The following ANO6 variants were observed in gnomAD, a reference collection of about 807,000 sequenced individuals.
The protein encoded by ANO6 is anoctamin 6.
ANO6 carries 106 observed loss-of-function variants against 117.5 expected under a neutral mutation model. The ratio of observed to expected loss-of-function variants is 0.90; its 90% CI spans 0.77 to 1.06. The LOEUF (loss-of-function observed/expected upper bound fraction) is 1.06, where lower values mean the gene tolerates loss of function less well. ANO6 is among the 50% of genes least tolerant of loss of function. The pLI, the probability that ANO6 is intolerant of heterozygous loss-of-function variation, is 0.00. For synonymous variants in ANO6, 367 were observed against 385.1 expected (o/e 0.95, Z 0.55); for missense variants, 955 against 1,121.1 (o/e 0.85, Z 2.12).
intron 1 of ANO6, among the ~76,000 whole-genome samples, chr12:45,290,213 A>G (rs1939050658): frequency 6.6e-6 from 1 of 152,056 alleles, no homozygotes; most frequent in Non-Finnish European, 1.5e-5. Flanking sequence ...ATTCTGAAAC[A>G]CTAGGTTTTG....
At chr12:45,229,100 A>G (rs1349709465) in intron 1 of ANO6, among the ~76,000 whole-genome samples, 1 of 152,190 alleles carries the variant, frequency 6.6e-6, no homozygotes, top group Non-Finnish European at 1.5e-5. Flanking sequence ...AGGGTCCGGG[A>G]TGAGAAGCTG....
intron 12 of ANO6, among the ~76,000 whole-genome samples, chr12:45,393,827 C>T (rs577734444): frequency 3.3e-4 from 51 of 152,328 alleles, no homozygotes; most frequent in African/African-American, 9.4e-4. Context: ...GCCTGCCTTA[C>T]AAGAGCTCCT....
chr12:45,242,363 C>A (rs958537257), intron 1 of ANO6, among the ~76,000 whole-genome samples: 1 of 152,246 alleles, frequency 6.6e-6, no homozygotes, highest in Admixed American at 6.5e-5. Flanking sequence ...AGGCTCTGGC[C>A]GTGGGACCTG....
chr12:45,273,440 G>A (rs764695419), intron 1 of ANO6, among the ~76,000 whole-genome samples: 13 of 152,188 alleles, frequency 8.5e-5, no homozygotes, highest in Non-Finnish European at 1.6e-4. Context: ...AGGCAGCCAA[G>A]CAAAATAGTT....
intron 9 of ANO6, among the ~76,000 whole-genome samples, chr12:45,375,927 A>C (rs1259238280): frequency 6.8e-6 from 1 of 147,806 alleles, no homozygotes; most frequent in Admixed American, 6.7e-5. Flanking sequence ...CAACCTACAG[A>C]ATGGGAGAAA....
intron 1 of ANO6, among the ~76,000 whole-genome samples, chr12:45,240,806 A>T (rs527790032): frequency 1.3e-5 from 2 of 152,238 alleles, no homozygotes; most frequent in African/African-American, 4.8e-5. Context: ...TCCTTCACTT[A>T]TGAAGCTTAG....
Position 45,424,327 on chromosome 12 carries a change from G to GTTTT in ANO6, c.2526+1290_2526+1293dup, listed in dbSNP as rs66945216. Among the ~76,000 whole-genome samples the GTTTT allele has an allele frequency of 8.0e-4, 65 of 81,264 alleles. 9 individuals carry two copies. The highest frequency in any genetic ancestry group is 8.5e-3 in the Middle Eastern group (1 of 118). The allele number at this position is 81,264 out of a possible 152,430, so 53.3% of individuals were successfully genotyped here. A position where few individuals can be genotyped will look rare whatever the true frequency, so the allele number is the denominator to read the frequency against. On this transcript the variant is annotated intron_variant, in intron 19 of 19. Transcript: ENST00000320560. ...AGAGAGAGGGAAAACTAGGTGATGG[G>GTTTT]TTTTTTTTTTTTTTTTTTTTTTTTT...
At position 45,319,390 on chromosome 12, in the gene ANO6, T is replaced by G. The variant is rs546781176; in HGVS notation, c.151-11905T>G. On this transcript the variant is annotated intron_variant, in intron 2 of 19. Coordinates refer to ENST00000320560, the MANE Select transcript of ANO6 (RefSeq NM_001025356.3). The stretch of plus-strand genomic sequence containing the variant: ...TGAGATAATCATGTGGTTTTTGTCT[T>G]TGGTTCTGTTTATATGCTGGATTAC... 2.0e-5 allele frequency among the ~76,000 whole-genome samples: 3 copies of G among 152,362 alleles called. No individual in the cohort carries two copies. In the East Asian group the frequency reaches 5.8e-4, roughly 29 times the overall value.
chr12:45,296,376 A>G (rs766229907), intron 1 of ANO6, among the ~76,000 whole-genome samples: 3 of 152,074 alleles, frequency 2.0e-5, no homozygotes, highest in Non-Finnish European at 2.9e-5. Context: ...CCTTATCTTG[A>G]TATCTGTACT....
intron 1 of ANO6, among the ~76,000 whole-genome samples, chr12:45,236,283 T>C (rs1448331435): frequency 6.6e-6 from 1 of 152,148 alleles, no homozygotes; most frequent in Non-Finnish European, 1.5e-5. Context: ...GCACAACATT[T>C]AGGTTTGTTA....
chr12:45,389,566 G>T (rs1171096419), intron 11 of ANO6, among the ~76,000 whole-genome samples: 2 of 152,144 alleles, frequency 1.3e-5, no homozygotes, highest in South Asian at 4.1e-4. Flanking sequence ...TGCAAGTGAA[G>T]GTTCCTTTTT....
At chr12:45,378,608 G>C (rs1177241297) in intron 10 of ANO6, among the ~76,000 whole-genome samples, 2 of 152,132 alleles carry the variant, frequency 1.3e-5, no homozygotes, top group Non-Finnish European at 2.9e-5. Context: ...GTTGCACCAA[G>C]TTAGCTAATG....
chr12:45,309,577 T>C (rs185139698), intron 2 of ANO6, among the ~76,000 whole-genome samples: 127 of 152,022 alleles, frequency 8.4e-4, no homozygotes, highest in East Asian at 4.3e-3. Context: ...TTTTTTTTTT[T>C]TCCCTGAGTA....
At chr12:45,405,119 G>A (rs368401735) in intron 15 of ANO6, among the ~76,000 whole-genome samples, 1 of 151,204 alleles carries the variant, frequency 6.6e-6, no homozygotes. Context: ...ATCCTACTCC[G>A]GAGAAAACAA....
chr12:45,219,852 A>G (rs961748700), intron 1 of ANO6, among the ~76,000 whole-genome samples: 3 of 152,216 alleles, frequency 2.0e-5, no homozygotes, highest in Non-Finnish European at 2.9e-5. Flanking sequence ...AGAGCCAACA[A>G]CCAACCACTG....
At position 45,331,491 on chromosome 12, in the gene ANO6, G is replaced by A. The variant is rs1940664959; in HGVS notation, c.279+68G>A. The A allele has an allele frequency of 8.0e-6, 11 of 1,375,364 alleles. No homozygotes were observed. In the South Asian group the frequency reaches 1.5e-4, roughly 18 times the overall value. The allele number at this position is 1,375,364 out of a possible 1,614,324, so 85.2% of individuals were successfully genotyped here. ...TGTAACATGAAAAAACTGCTATTTT[G>A]TATAAGTAATAAAGTGAAACTGATG... On this transcript the variant is annotated intron_variant, in intron 3 of 19. Transcript: ENST00000320560.
intron 1 of ANO6, among the ~76,000 whole-genome samples, chr12:45,233,249 A>G (rs1947600546): frequency 6.6e-6 from 1 of 152,162 alleles, no homozygotes; most frequent in Non-Finnish European, 1.5e-5. Context: ...AAAAATCCTA[A>G]TATTAGAGAA....
chr12:45,360,413 C>T (rs1941525947), intron 8 of ANO6, among the ~76,000 whole-genome samples: 1 of 152,164 alleles, frequency 6.6e-6, no homozygotes, highest in East Asian at 1.9e-4. Flanking sequence ...GGCACCTAAT[C>T]CCATTCATGA....
intron 9 of ANO6, among the ~76,000 whole-genome samples, chr12:45,375,621 A>C (rs1355499972): frequency 6.6e-6 from 1 of 152,196 alleles, no homozygotes; most frequent in Non-Finnish European, 1.5e-5. Flanking sequence ...TCCCTATTTA[A>C]TAAATGGTGC....
Sources: gnomAD v4.1 joint callset for allele counts (sites outside exome capture counted in the v4.1 genomes callset) on GRCh38, gnomAD v4.1.1 for gene constraint, MANE v1.5 for transcripts, NCBI Gene and HGNC (gene_info 2026-07-23, HGNC 2026-07-21) for gene names.